OXSR1: variants seen among roughly 807,000 people sequenced by gnomAD.
The protein encoded by OXSR1 is serine/threonine-protein kinase OSR1.
In OXSR1, 24 loss-of-function variants were observed where a neutral mutation model predicts 79.8. The observed-to-expected ratio is 0.30, with a 90% CI of 0.22 to 0.42. OXSR1 has a LOEUF of 0.42. OXSR1 is among the 10% of genes least tolerant of loss of function. The pLI is 1.00. For missense variants in OXSR1, 430 were observed against 618.4 expected (o/e 0.70, Z 3.23); for synonymous variants, 226 against 209.2 (o/e 1.08, Z -0.69).
chr3:38,239,733 T>G (rs1400575319), intron 11 of OXSR1, among the ~76,000 whole-genome samples: 1 of 152,226 alleles, frequency 6.6e-6, no homozygotes. Context: ...GGGTTCACTC[T>G]CTTTGTAGCT....
intron 4 of OXSR1, among the ~76,000 whole-genome samples, chr3:38,200,877 C>CT (rs1413357124): frequency 6.6e-6 from 1 of 152,146 alleles, no homozygotes; most frequent in East Asian, 1.9e-4. Context: ...ATTTATGCGT[C>CT]TATTAGCAGT....
chr3:38,213,655 G>C (rs1361379021), intron 4 of OXSR1, among the ~76,000 whole-genome samples: 1 of 152,146 alleles, frequency 6.6e-6, no homozygotes, highest in Non-Finnish European at 1.5e-5. Context: ...CTAAGTGTGA[G>C]GTGTGTAGGA....
intron 1 of OXSR1, among the ~76,000 whole-genome samples, chr3:38,167,632 A>G (rs538205385): frequency 2.0e-5 from 3 of 152,356 alleles, no homozygotes; most frequent in South Asian, 2.1e-4. Context: ...AGGAAAAACA[A>G]AAACAAAACA....
At chr3:38,217,137 A>T (rs1702496897) in intron 5 of OXSR1, among the ~76,000 whole-genome samples, 1 of 152,256 alleles carries the variant, frequency 6.6e-6, no homozygotes. Context: ...TTCCCAAATG[A>T]AGACATCCAA....
intron 10 of OXSR1, among the ~76,000 whole-genome samples, chr3:38,236,368 G>T (rs1399439763): frequency 6.6e-6 from 1 of 152,210 alleles, no homozygotes; most frequent in Non-Finnish European, 1.5e-5. Flanking sequence ...GTGGTTGCCA[G>T]TGGAGATGAA....
chr3:38,218,185 T>C (rs1487411248), intron 5 of OXSR1, among the ~76,000 whole-genome samples: 3 of 152,154 alleles, frequency 2.0e-5, no homozygotes, highest in Admixed American at 6.5e-5. Flanking sequence ...TTTGAGGAAT[T>C]GCTGTATTAT....
Position 38,186,320 on chromosome 3 carries a change from C to G in OXSR1, c.183+3205C>G, listed in dbSNP as rs560516518. ...TTTTATAATACTTTTTAAAACATAA[C>G]AGCTTTATTGATATAAAATTCATGT... On this transcript the variant is annotated intron_variant, in intron 2 of 17. Coordinates refer to ENST00000311806, the MANE Select transcript of OXSR1 (RefSeq NM_005109.3). Among the ~76,000 whole-genome samples, 48 of 152,104 alleles carry G rather than the reference C, an allele frequency of 3.2e-4. No individual in the cohort carries two copies. The South Asian group carries it at 7.1e-3, about 22-fold the overall frequency.
At chr3:38,243,393 ATTCT>A (rs1703074837) in intron 12 of OXSR1, among the ~76,000 whole-genome samples, 1 of 152,076 alleles carries the variant, frequency 6.6e-6, no homozygotes, top group African/African-American at 2.4e-5. Context: ...TCCTTTTTGA[ATTCT>A]TTCTTTCAGC....
rs1415525011 is a variant in OXSR1 at position 38,224,598 on chromosome 3, C to T, written c.730C>T (p.Pro244Ser). The T allele has an allele frequency of 6.3e-7, 1 of 1,591,022 alleles. No homozygotes were observed. Among genetic ancestry groups the T allele is most frequent in the South Asian group, 1.2e-5 (1 of 85,574 alleles). The change falls in exon 8 of 18, where the codon CCT (proline) becomes TCT (serine). Residue 244 changes from proline (P) to serine (S), a missense_variant. Coordinates refer to ENST00000311806, the MANE Select transcript of OXSR1 (RefSeq NM_005109.3). The stretch of plus-strand genomic sequence containing the variant: ...TTTAATGCTGACACTGCAGAACGAT[C>T]CTCCTTCTTTGGAAACTGGTGTTCA... The part of the protein sequence containing the change: ...KVLMLTLQND[P>S]PSLETGVQDK...
intron 1 of OXSR1, among the ~76,000 whole-genome samples, chr3:38,170,118 C>T (rs1210878733): frequency 2.0e-5 from 3 of 152,056 alleles, no homozygotes; most frequent in Non-Finnish European, 4.4e-5. Flanking sequence ...GATCTTGGCT[C>T]ACTGCAACCT....
At chr3:38,252,177 C>G in intron 16 of OXSR1, 151 bp from the exon 17 acceptor site, 1 of 647,790 alleles carries the variant, frequency 1.5e-6, no homozygotes, top group Admixed American at 2.4e-5. Context: ...TTAAAAGACA[C>G]TTTCATTAGG....
rs201207428 is a variant in OXSR1 at position 38,246,025 on chromosome 3, G to C, written c.1111-50G>C. ...GGCTGAACTTGCTGTCAGCAGACCT[G>C]CCTCCCTTTCCACACAACTTAAGCA... On this transcript the variant is annotated intron_variant, in intron 12 of 17. Transcript: ENST00000311806. 6 of 1,577,898 alleles carry C rather than the reference G, an allele frequency of 3.8e-6. No homozygotes were observed. The South Asian group carries it at 6.7e-5, about 17-fold the overall frequency.
Position 38,221,593 on chromosome 3 carries a change from C to CT in OXSR1, c.512dup (p.Leu171PhefsTer6), listed in dbSNP as rs1559518427. 1.2e-6 allele frequency: 2 copies of CT among 1,610,018 alleles called. No individual in the cohort carries two copies. Among genetic ancestry groups the CT allele is most frequent in the South Asian group, 1.1e-5 (1 of 90,962 alleles). On this transcript the variant is annotated frameshift_variant, in exon 6 of 18. Transcript: ENST00000311806. LOFTEE classifies it high-confidence loss of function. ...TCTATTTCAGACTTTGGGGTTAGTG[C>CT]TTTTTTAGCAACTGGTGGTGATATT...
intron 10 of OXSR1, among the ~76,000 whole-genome samples, chr3:38,236,246 T>TG (rs1320468502): frequency 0.21 from 71 of 332 alleles, 4 homozygotes; most frequent in East Asian, 0.52. Context: ...TTTCATCTTC[T>TG]ATGTGGGAAG....
chr3:38,216,011 A>G (rs918516332), intron 4 of OXSR1, 85 bp from the exon 5 acceptor site: 14 of 787,152 alleles, frequency 1.8e-5, no homozygotes, highest in Non-Finnish European at 3.0e-5. Context: ...CTAGTATTAC[A>G]TGAATATAGT....
At chr3:38,179,472 C>T (rs1265801785) in intron 1 of OXSR1, among the ~76,000 whole-genome samples, 1 of 152,108 alleles carries the variant, frequency 6.6e-6, no homozygotes, top group Non-Finnish European at 1.5e-5. Context: ...TGGCCTATAA[C>T]AGCTTTATTG....
At chr3:38,184,835 T>A (rs1701849354) in intron 2 of OXSR1, among the ~76,000 whole-genome samples, 1 of 145,934 alleles carries the variant, frequency 6.9e-6, no homozygotes, top group Non-Finnish European at 1.5e-5. Flanking sequence ...CTTAAGTCTA[T>A]TATTGTCTGC....
chr3:38,217,797 A>G (rs530428832), intron 5 of OXSR1, among the ~76,000 whole-genome samples: 15 of 152,172 alleles, frequency 9.9e-5, no homozygotes, highest in Non-Finnish European at 2.2e-4. Flanking sequence ...CACCCCAGCC[A>G]TGGGTGACCA....
chr3:38,208,985 T>TGC (rs1553635633), intron 4 of OXSR1, among the ~76,000 whole-genome samples: 571 of 128,216 alleles, frequency 4.5e-3, no homozygotes, highest in Middle Eastern at 0.025. Flanking sequence ...TGTGTGTGTG[T>TGC]GCGCGCGCGC....
Sources: allele counts gnomAD v4.1 joint callset (sites outside exome capture counted in the v4.1 genomes callset), GRCh38; gene constraint gnomAD v4.1.1; transcripts MANE v1.5; gene names NCBI Gene and HGNC (gene_info 2026-07-23, HGNC 2026-07-21).